Variants in MAGI2 observed in about 807,000 individuals in gnomAD.
The protein encoded by MAGI2 is membrane associated guanylate kinase, WW and PDZ domain containing 2.
Under a neutral mutation model 133.3 loss-of-function variants are expected in MAGI2, and 35 were observed. That is an observed-to-expected ratio of 0.26 (90% confidence interval 0.20 to 0.35). The LOEUF (loss-of-function observed/expected upper bound fraction) is 0.35, where lower values mean the gene tolerates loss of function less well. MAGI2 is among the 10% of genes least tolerant of loss of function. The pLI is 1.00. For missense variants in MAGI2, 1,636 were observed against 1,863.4 expected (o/e 0.88, Z 2.25); for synonymous variants, 729 against 710.6 (o/e 1.03, Z -0.41).
intron 6 of MAGI2, among the ~76,000 whole-genome samples, chr7:78,396,079 G>A (rs1796318187): frequency 6.6e-6 from 1 of 152,200 alleles, no homozygotes; most frequent in African/African-American, 2.4e-5. Flanking sequence ...CAAGAAACAT[G>A]AGTAGAATAA....
At chr7:79,363,258 A>T (rs1445291687) in intron 1 of MAGI2, among the ~76,000 whole-genome samples, 1 of 150,622 alleles carries the variant, frequency 6.6e-6, no homozygotes, top group Non-Finnish European at 1.5e-5. Flanking sequence ...AAGCTTCGTA[A>T]TGCTGATCAA....
intron 2 of MAGI2, among the ~76,000 whole-genome samples, chr7:78,778,518 A>G (rs1318868210): frequency 6.6e-6 from 1 of 152,260 alleles, no homozygotes; most frequent in Non-Finnish European, 1.5e-5. Context: ...AACTAAAAAT[A>G]ATTTATAGAA....
intron 1 of MAGI2, among the ~76,000 whole-genome samples, chr7:79,015,311 A>G (rs78840062): frequency 2.7e-5 from 4 of 145,568 alleles, no homozygotes; most frequent in Non-Finnish European, 6.0e-5. Context: ...AAATTAAAAA[A>G]AAATTCTTAA....
At chr7:78,664,639 AACTT>A (rs1284158750) in intron 2 of MAGI2, among the ~76,000 whole-genome samples, 2 of 151,942 alleles carry the variant, frequency 1.3e-5, no homozygotes, top group Non-Finnish European at 2.9e-5. Flanking sequence ...TTAAAAAACA[AACTT>A]ACTTTGCATT....
chr7:78,492,697 G>C (rs1793734057), intron 5 of MAGI2, among the ~76,000 whole-genome samples: 4 of 152,108 alleles, frequency 2.6e-5, no homozygotes, highest in Admixed American at 2.6e-4. Context: ...TTCCTAGCTA[G>C]GGCAGATTCA....
At chr7:78,745,381 T>C (rs1292624846) in intron 2 of MAGI2, among the ~76,000 whole-genome samples, 1 of 152,210 alleles carries the variant, frequency 6.6e-6, no homozygotes. Flanking sequence ...CAACTCCTGC[T>C]GGTCCTTCAA....
At chr7:79,204,057 G>T (rs1443810004) in intron 1 of MAGI2, among the ~76,000 whole-genome samples, 1 of 151,996 alleles carries the variant, frequency 6.6e-6, no homozygotes, top group African/African-American at 2.4e-5. Flanking sequence ...CCAACCCAAG[G>T]TGCCACAGCA....
intron 1 of MAGI2, chr7:79,125,401 G>A (rs932372018): frequency 2.0e-6 from 1 of 490,212 alleles, no homozygotes; most frequent in Non-Finnish European, 4.0e-6. Context: ...AAACCTCAGG[G>A]GTCATGGTGT....
At chr7:79,383,538 C>A (rs943889606) in intron 1 of MAGI2, among the ~76,000 whole-genome samples, 2 of 151,508 alleles carry the variant, frequency 1.3e-5, no homozygotes, top group African/African-American at 4.8e-5. Flanking sequence ...TGATCAATTT[C>A]TTAGTTATCT....
intron 1 of MAGI2, among the ~76,000 whole-genome samples, chr7:79,089,998 A>G (rs1325175098): frequency 6.6e-6 from 1 of 152,102 alleles, no homozygotes; most frequent in African/African-American, 2.4e-5. Context: ...AACTTAAAGT[A>G]TAATAAAAAA....
intron 12 of MAGI2, among the ~76,000 whole-genome samples, chr7:78,194,108 A>T (rs551105855): frequency 6.6e-6 from 1 of 152,338 alleles, no homozygotes; most frequent in South Asian, 2.1e-4. Flanking sequence ...CTCTTCTACG[A>T]GGCTGGGTTT....
intron 1 of MAGI2, among the ~76,000 whole-genome samples, chr7:79,274,841 TA>T (rs1835123125): frequency 6.6e-6 from 1 of 152,174 alleles, no homozygotes; most frequent in South Asian, 2.1e-4. Flanking sequence ...TTTTTGTTAT[TA>T]TTATGTCTGT....
intron 9 of MAGI2, among the ~76,000 whole-genome samples, chr7:78,317,724 C>T (rs1176927186): frequency 6.6e-6 from 1 of 152,140 alleles, no homozygotes; most frequent in African/African-American, 2.4e-5. Context: ...CCGACAGAAA[C>T]CTCATACAGG....
intron 2 of MAGI2, among the ~76,000 whole-genome samples, chr7:78,708,114 G>A (rs1818829160): frequency 6.6e-6 from 1 of 152,066 alleles, no homozygotes; most frequent in African/African-American, 2.4e-5. Context: ...TTCCACTGAT[G>A]GGGACTGACA....
chr7:79,368,710 T>C (rs916958045), intron 1 of MAGI2, among the ~76,000 whole-genome samples: 2 of 149,720 alleles, frequency 1.3e-5, no homozygotes, highest in African/African-American at 4.9e-5. Flanking sequence ...TAGCCGGGCG[T>C]AGTGGCGGGC....
chr7:79,013,365 T>C (rs1424379369), intron 1 of MAGI2, among the ~76,000 whole-genome samples: 2 of 152,164 alleles, frequency 1.3e-5, no homozygotes, highest in Non-Finnish European at 2.9e-5. Context: ...GGAAAGTAGT[T>C]AAGCAAAGCA....
chr7:79,385,957 C>T (rs66900251), intron 1 of MAGI2, among the ~76,000 whole-genome samples: 20,764 of 151,760 alleles, frequency 0.14, 1,544 homozygotes, highest in South Asian at 0.25. Flanking sequence ...TAAATATGCA[C>T]AATAAAATTT....
intron 1 of MAGI2, among the ~76,000 whole-genome samples, chr7:79,442,131 A>G (rs1252280265): frequency 6.6e-6 from 1 of 152,208 alleles, no homozygotes; most frequent in Non-Finnish European, 1.5e-5. Flanking sequence ...ACAAATAAAA[A>G]TGACCAAAAT....
At chr7:79,138,086 G>A (rs1042654536) in intron 1 of MAGI2, among the ~76,000 whole-genome samples, 1 of 152,166 alleles carries the variant, frequency 6.6e-6, no homozygotes, top group Non-Finnish European at 1.5e-5. Flanking sequence ...TTCTTCCCTA[G>A]AGTCTCCAGA....
Sources: allele counts gnomAD v4.1 joint callset (sites outside exome capture counted in the v4.1 genomes callset), GRCh38; gene constraint gnomAD v4.1.1; transcripts MANE v1.5; gene names NCBI Gene and HGNC (gene_info 2026-07-23, HGNC 2026-07-21).